The following DPP6 variants were observed in gnomAD, a reference collection of about 807,000 sequenced individuals.
DPP6 encodes dipeptidyl peptidase like 6, also known as A-type potassium channel modulatory protein DPP6.
A neutral mutation model predicts 122.6 loss-of-function variants in DPP6; 69 were observed. That is an observed-to-expected ratio of 0.56 (90% CI 0.46 to 0.69). DPP6 has a LOEUF of 0.69. Ranked by LOEUF, DPP6 falls within the 30% of genes least tolerant of loss-of-function variation. The pLI is 0.00. For missense variants in DPP6, 928 were observed against 1,116.9 expected, an observed-to-expected ratio of 0.83 and a Z score of 2.41; for synonymous variants, 418 against 433.1, an observed-to-expected ratio of 0.97 and a Z score of 0.43.
Position 154,858,343 on chromosome 7 carries a change from T to G in DPP6, c.1714+4516T>G, listed in dbSNP as rs138473961. 7.3e-3 allele frequency: 1,116 copies of G among 152,366 alleles called. 9 individuals carry two copies. Among genetic ancestry groups the G allele is most frequent in the Middle Eastern group, 0.027 (8 of 294 alleles). 9.4% of individuals were successfully genotyped at this position (152,366 alleles called of 1,614,324 possible). On this transcript the variant is annotated intron_variant, in intron 17 of 25. Coordinates refer to ENST00000377770, the MANE Select transcript of DPP6 (RefSeq NM_130797.4). ...AGGAAGCAAAAGCAGAGGAGTTGCA[T>G]CTCGGACGCAAGCAGTGCGGCTCCA...
the DPP6 span, among the ~76,000 whole-genome samples, chr7:153,823,807 A>G: frequency 6.6e-6 from 1 of 152,078 alleles, no homozygotes; most frequent in African/African-American, 2.4e-5. Flanking sequence ...AAAGCCAACT[A>G]AAGAGTGAGA....
intron 7 of DPP6, among the ~76,000 whole-genome samples, chr7:154,719,372 G>A (rs756264940): frequency 2.0e-5 from 3 of 151,916 alleles, no homozygotes; most frequent in Non-Finnish European, 4.4e-5. Context: ...ATACACAGAA[G>A]TAATGTGGCC....
intron 1 of DPP6, among the ~76,000 whole-genome samples, chr7:154,364,738 C>T (rs1244439715): frequency 1.3e-5 from 2 of 152,148 alleles, no homozygotes; most frequent in Non-Finnish European, 2.9e-5. Flanking sequence ...TCATCTCTTC[C>T]CTGATGGGAG....
chr7:154,399,373 A>G (rs1013134995), intron 1 of DPP6, among the ~76,000 whole-genome samples: 1 of 152,206 alleles, frequency 6.6e-6, no homozygotes, highest in Non-Finnish European at 1.5e-5. Context: ...ACTTTTCTTA[A>G]TTTTTGTATT....
At chr7:154,017,708 T>TAAAAAAAA (rs945886454) in intron 1 of DPP6, among the ~76,000 whole-genome samples, 6 of 52,992 alleles carry the variant, frequency 1.1e-4, no homozygotes, top group African/African-American at 3.1e-4. Context: ...CTAAAAAAAA[T>TAAAAAAAA]AAAAAAAAAA....
intron 1 of DPP6, among the ~76,000 whole-genome samples, chr7:154,298,890 T>G (rs568817456): frequency 9.2e-5 from 14 of 152,354 alleles, no homozygotes; most frequent in African/African-American, 2.9e-4. Flanking sequence ...GCCTTGCTTG[T>G]TGGGCCTGGC....
At chr7:154,832,161 G>C (rs1408609795) in intron 16 of DPP6, among the ~76,000 whole-genome samples, 1 of 152,188 alleles carries the variant, frequency 6.6e-6, no homozygotes, top group African/African-American at 2.4e-5. Flanking sequence ...CTCAGTTCCT[G>C]AGTGGCTGCC....
chr7:154,331,888 T>C (rs973640247), intron 1 of DPP6, among the ~76,000 whole-genome samples: 2 of 152,198 alleles, frequency 1.3e-5, no homozygotes, highest in African/African-American at 2.4e-5. Flanking sequence ...TCTCTTCTTA[T>C]GGTGCACATA....
intron 1 of DPP6, among the ~76,000 whole-genome samples, chr7:154,221,800 G>A (rs572899554): frequency 7.2e-5 from 11 of 152,240 alleles, no homozygotes; most frequent in Admixed American, 1.3e-4. Flanking sequence ...AAACAGGAGC[G>A]GATGAACAAT....
intron 1 of DPP6, among the ~76,000 whole-genome samples, chr7:153,963,045 T>C (rs1038664711): frequency 5.9e-5 from 9 of 152,204 alleles, no homozygotes; most frequent in Non-Finnish European, 7.3e-5. Flanking sequence ...AAAGGGTTTG[T>C]ACTATTTTCT....
chr7:154,748,564 C>G (rs1037475991), intron 8 of DPP6, among the ~76,000 whole-genome samples: 7 of 152,354 alleles, frequency 4.6e-5, no homozygotes, highest in Admixed American at 4.6e-4. Flanking sequence ...TAATGAAAAA[C>G]CCCTGCGAGC....
At chr7:154,058,959 C>T (rs1471897059) in intron 1 of DPP6, 1 of 140,378 alleles carries the variant, frequency 7.1e-6, no homozygotes, top group Non-Finnish European at 1.5e-5. Flanking sequence ...GGGGGAGGCA[C>T]CCCCCCGCGA....
At chr7:154,598,466 C>T (rs1833235046) in intron 5 of DPP6, among the ~76,000 whole-genome samples, 1 of 152,122 alleles carries the variant, frequency 6.6e-6, no homozygotes, top group South Asian at 2.1e-4. Context: ...GCTCCCAGAT[C>T]ATTGCCCAGT....
intron 1 of DPP6, among the ~76,000 whole-genome samples, chr7:154,391,435 T>A (rs543525178): frequency 6.6e-6 from 1 of 152,332 alleles, no homozygotes; most frequent in South Asian, 2.1e-4. Flanking sequence ...CTACTTGGCG[T>A]TCCTCATCAT....
In DPP6 at chr7:154,399,536, C is replaced by T. The variant is rs1415624397; in HGVS notation, c.244-46678C>T. On this transcript the variant is annotated intron_variant, in intron 1 of 25. Transcript: ENST00000377770. ...TTAGAAATTGGAACCTCCTAAACTC[C>T]AATGCCAGGTGTTAGTTTCTTTACA... Among the ~76,000 whole-genome samples, 3 of 152,198 alleles carry T rather than the reference C, an allele frequency of 2.0e-5. No individual in the cohort carries two copies. The East Asian group carries it at 5.8e-4, about 29-fold the overall frequency.
chr7:154,786,758 G>T (rs1797362622), intron 10 of DPP6, among the ~76,000 whole-genome samples: 1 of 152,118 alleles, frequency 6.6e-6, no homozygotes, highest in Non-Finnish European at 1.5e-5. Flanking sequence ...CTTTCCAAAA[G>T]CTTTTTGAAT....
intron 3 of DPP6, among the ~76,000 whole-genome samples, chr7:154,503,040 C>A (rs1270859908): frequency 6.6e-6 from 1 of 152,188 alleles, no homozygotes; most frequent in African/African-American, 2.4e-5. Context: ...ATGGACGGTT[C>A]TATGTGTGGT....
At chr7:154,509,459 A>G (rs1234836470) in intron 3 of DPP6, among the ~76,000 whole-genome samples, 2 of 152,224 alleles carry the variant, frequency 1.3e-5, no homozygotes, top group Non-Finnish European at 2.9e-5. Context: ...GAATGGCTAC[A>G]GTAAAAAGTC....
At chr7:154,740,199 G>A (rs1842752586) in intron 8 of DPP6, among the ~76,000 whole-genome samples, 1 of 152,000 alleles carries the variant, frequency 6.6e-6, no homozygotes, top group African/African-American at 2.4e-5. Flanking sequence ...ATTTCATTGT[G>A]AGATTAGGAC....
Sources: allele counts gnomAD v4.1 joint callset (sites outside exome capture counted in the v4.1 genomes callset), GRCh38; gene constraint gnomAD v4.1.1; transcripts MANE v1.5; gene names NCBI Gene and HGNC (gene_info 2026-07-23, HGNC 2026-07-21).